The following POLK variants were observed in gnomAD, a reference collection of about 807,000 sequenced individuals.
POLK encodes DNA polymerase kappa.
In POLK, 76 loss-of-function variants were observed where a neutral mutation model predicts 94.0. The ratio of observed to expected loss-of-function variants is 0.81; its 90% CI spans 0.67 to 0.98. POLK has a LOEUF of 0.98. POLK is among the 50% of genes least tolerant of loss of function. POLK has a pLI of 0.00. For synonymous variants in POLK, 349 were observed against 325.4 expected, an observed-to-expected ratio of 1.07 and a Z score of -0.78; for missense variants, 954 against 1,010.1, an observed-to-expected ratio of 0.94 and a Z score of 0.75.
upstream of POLK, chr5:75,511,570 A>T: frequency 6.9e-7 from 1 of 1,458,228 alleles, no homozygotes; most frequent in Non-Finnish European, 9.0e-7. Context: ...CCGGCCGCTG[A>T]GTCCCGCGTC....
intron 1 of POLK, among the ~76,000 whole-genome samples, chr5:75,544,812 A>C (rs1346440144): frequency 6.6e-6 from 1 of 152,208 alleles, no homozygotes; most frequent in Non-Finnish European, 1.5e-5. Context: ...TTTACTAGAC[A>C]ATGACAGGTA....
intron 1 of POLK, among the ~76,000 whole-genome samples, chr5:75,531,508 C>T (rs113139847): frequency 2.0e-5 from 3 of 152,036 alleles, no homozygotes; most frequent in African/African-American, 7.2e-5. Context: ...AATTATAAAA[C>T]TTGAGGCTGG....
At chr5:75,512,617 A>G (rs1395969923) in intron 1 of POLK, 1 of 152,264 alleles carries the variant, frequency 6.6e-6, no homozygotes, top group Non-Finnish European at 1.5e-5. Flanking sequence ...TTGAATTAGC[A>G]GAAAGACCAA....
chr5:75,573,918 A>G, intron 5 of POLK, 49 bp downstream of exon 5: 1 of 1,592,374 alleles, frequency 6.3e-7, no homozygotes. Context: ...AGTTCCTGTC[A>G]CCTACAGAAT....
upstream of POLK, chr5:75,510,962 C>A (rs890862970): frequency 1.8e-6 from 2 of 1,124,222 alleles, no homozygotes; most frequent in African/African-American, 3.2e-5. Context: ...GCCCCTATAT[C>A]CCCGCCTCAT....
At chr5:75,594,328 G>A (rs1231846311) in intron 12 of POLK, among the ~76,000 whole-genome samples, 2 of 152,172 alleles carry the variant, frequency 1.3e-5, no homozygotes, top group Non-Finnish European at 2.9e-5. Context: ...GTAACTCAAT[G>A]AGCACCTGTA....
At chr5:75,568,887 T>G (rs1771428099) in intron 3 of POLK, 1 of 222,644 alleles carries the variant, frequency 4.5e-6, no homozygotes, top group Non-Finnish European at 9.1e-6. Flanking sequence ...ATTGAAGCTT[T>G]TAGTTATAGT....
chr5:75,596,265 C>G, exon 13 of POLK: 1 of 1,612,066 alleles, frequency 6.2e-7, no homozygotes, highest in African/African-American at 1.3e-5. Flanking sequence ...ACAGGAAACA[C>G]CAACAAAGGA....
chr5:75,580,558 C>A, intron 6 of POLK: 1 of 834,340 alleles, frequency 1.2e-6, no homozygotes, highest in Non-Finnish European at 1.4e-6. Context: ...CCAATCAGAC[C>A]TTCAGAATTT....
At chr5:75,517,995 T>C (rs1768397585) in intron 1 of POLK, among the ~76,000 whole-genome samples, 2 of 152,232 alleles carry the variant, frequency 1.3e-5, no homozygotes, top group African/African-American at 4.8e-5. Context: ...TCCCACTTGA[T>C]CATGATGAAG....
chr5:75,549,346 T>C lies in POLK; in HGVS notation c.135+2189T>C, dbSNP rs1267781537. On this transcript the variant is annotated intron_variant, in intron 2 of 14. Transcript: ENST00000241436. ...TACTGATCTGGTGTGCTTTCTCTTC[T>C]GTTCCACTGGATCATTTGCCTGTTT... 2.6e-5 allele frequency among the ~76,000 whole-genome samples: 4 copies of C among 152,286 alleles called. No homozygotes were observed. In the East Asian group the frequency reaches 7.7e-4, roughly 29 times the overall value.
intron 1 of POLK, among the ~76,000 whole-genome samples, chr5:75,527,502 T>TACACACACACACACAC (rs58797043): frequency 5.3e-5 from 7 of 133,028 alleles, no homozygotes; most frequent in East Asian, 2.1e-4. Flanking sequence ...AATTTATATA[T>TACACACACACACACAC]ACACACACAC....
chr5:75,574,847 TCC>T (rs1295857724), intron 5 of POLK, among the ~76,000 whole-genome samples: 1 of 152,214 alleles, frequency 6.6e-6, no homozygotes, highest in Non-Finnish European at 1.5e-5. Flanking sequence ...TTCATTGTAT[TCC>T]TAATTAAAAA....
At chr5:75,595,156 G>A (rs908546054) in intron 12 of POLK, among the ~76,000 whole-genome samples, 7 of 148,938 alleles carry the variant, frequency 4.7e-5, no homozygotes, top group African/African-American at 1.7e-4. Context: ...AGAGGCTGAG[G>A]CAGGAGAATC....
chr5:75,577,477 AT>A lies in POLK; in HGVS notation c.694+545del, dbSNP rs199878036. Among the ~76,000 whole-genome samples the A allele has an allele frequency of 1.7e-4, 26 of 152,326 alleles. 1 individual carries two copies. The East Asian group carries it at 4.8e-3, about 28-fold the overall frequency. Reference sequence around the variant, plus strand: ...AAGACTCCAGGGTTTTTTTAAAAAAATAATCCCTTTATGACCTATCCAAAAG... The same window carrying A: ...AAGACTCCAGGGTTTTTTTAAAAAAAAATCCCTTTATGACCTATCCAAAAG... On this transcript the variant is annotated intron_variant, in intron 6 of 14. Coordinates refer to ENST00000241436, the Ensembl canonical transcript of POLK.
At chr5:75,545,787 T>G (rs1769987691) in intron 1 of POLK, among the ~76,000 whole-genome samples, 1 of 152,220 alleles carries the variant, frequency 6.6e-6, no homozygotes, top group Admixed American at 6.5e-5. Context: ...CATGTTTTAA[T>G]CTGGGTAGAA....
intron 1 of POLK, among the ~76,000 whole-genome samples, chr5:75,523,179 T>C (rs1486308941): frequency 1.3e-5 from 2 of 152,204 alleles, no homozygotes; most frequent in Non-Finnish European, 2.9e-5. Flanking sequence ...TTGTCCAATC[T>C]AGTAAAATTT....
intron 1 of POLK, chr5:75,512,562 C>G (rs1026467846): frequency 6.6e-6 from 1 of 152,088 alleles, no homozygotes; most frequent in Non-Finnish European, 1.5e-5. Context: ...TTTGTGTGTA[C>G]AAGGGATTAG....
intron 10 of POLK, among the ~76,000 whole-genome samples, chr5:75,589,985 G>T (rs2112862774): frequency 6.6e-6 from 1 of 152,168 alleles, no homozygotes; most frequent in Admixed American, 6.5e-5. Flanking sequence ...TTCTCATTTG[G>T]ACTTTCTTAA....
Sources: allele counts gnomAD v4.1 joint callset (sites outside exome capture counted in the v4.1 genomes callset), GRCh38; gene constraint gnomAD v4.1.1; transcripts MANE v1.5; gene names NCBI Gene and HGNC (gene_info 2026-07-23, HGNC 2026-07-21).